Variants in KITLG observed in about 807,000 individuals in gnomAD.
KITLG encodes c-Kit ligand.
Under a neutral mutation model 34.1 loss-of-function variants are expected in KITLG, and 13 were observed. The observed-to-expected ratio is 0.38, with a 90% CI of 0.25 to 0.61. The LOEUF (loss-of-function observed/expected upper bound fraction) is 0.61, where lower values mean the gene tolerates loss of function less well. KITLG is among the 20% of genes least tolerant of loss of function. The pLI is 0.60. For synonymous variants in KITLG, 110 were observed against 104.0 expected, an observed-to-expected ratio of 1.06 and a Z score of -0.35; for missense variants, 292 against 318.9, an observed-to-expected ratio of 0.92 and a Z score of 0.64.
chr12:88,520,088 T>G (rs1217989196), intron 3 of KITLG, among the ~76,000 whole-genome samples: 1 of 152,206 alleles, frequency 6.6e-6, no homozygotes, highest in Non-Finnish European at 1.5e-5. Context: ...TTTAGGATTG[T>G]TGGCTCTGGC....
At chr12:88,510,402 T>A (rs1357538376) in intron 6 of KITLG, among the ~76,000 whole-genome samples, 1 of 152,170 alleles carries the variant, frequency 6.6e-6, no homozygotes, top group African/African-American at 2.4e-5. Flanking sequence ...TCCAAGCACA[T>A]GTGTACTAAC....
At chr12:88,521,743 A>G (rs1262349793) in intron 3 of KITLG, among the ~76,000 whole-genome samples, 1 of 152,154 alleles carries the variant, frequency 6.6e-6, no homozygotes. Flanking sequence ...CAAAAGAAGA[A>G]ACATATAGAT....
At chr12:88,566,708 C>A (rs1330479818) in intron 1 of KITLG, among the ~76,000 whole-genome samples, 1 of 152,078 alleles carries the variant, frequency 6.6e-6, no homozygotes, top group Non-Finnish European at 1.5e-5. Flanking sequence ...CCACAGAGGA[C>A]CTTGTATAGT....
intron 2 of KITLG, among the ~76,000 whole-genome samples, chr12:88,540,079 TACCTTATGATGATGACAC>T (rs1344379514): frequency 6.6e-6 from 1 of 152,094 alleles, no homozygotes; most frequent in Non-Finnish European, 1.5e-5. Context: ...GATGATGACA[TACCTTATGATGATGACAC>T]ACCTTATGAT....
At chr12:88,508,300 C>T (rs1295203226) in intron 6 of KITLG, among the ~76,000 whole-genome samples, 3 of 152,146 alleles carry the variant, frequency 2.0e-5, no homozygotes, top group Admixed American at 1.3e-4. Flanking sequence ...TATACCTATA[C>T]CTATTTAACA....
At chr12:88,551,713 G>A (rs1488711097) in intron 1 of KITLG, among the ~76,000 whole-genome samples, 2 of 152,158 alleles carry the variant, frequency 1.3e-5, no homozygotes, top group Non-Finnish European at 2.9e-5. Flanking sequence ...AACACAACAT[G>A]TGTCCCATAT....
intron 1 of KITLG, among the ~76,000 whole-genome samples, chr12:88,555,347 G>A (rs7313352): frequency 0.66 from 100,638 of 152,020 alleles, 36,906 homozygotes; most frequent in Middle Eastern, 0.86. Flanking sequence ...CAACCAGGTA[G>A]ATATTATTAC....
intron 6 of KITLG, among the ~76,000 whole-genome samples, chr12:88,507,372 T>A (rs1471347654): frequency 1.5e-4 from 23 of 152,182 alleles, no homozygotes; most frequent in Admixed American, 1.5e-3. Flanking sequence ...CAGAAAGAGA[T>A]CTGGCTTGGG....
chr12:88,525,355 A>G (rs1479596606), intron 3 of KITLG, among the ~76,000 whole-genome samples: 1 of 152,190 alleles, frequency 6.6e-6, no homozygotes, highest in Admixed American at 6.5e-5. Context: ...ATCTAAACTA[A>G]TAAGATGGGC....
At chr12:88,531,258 G>T (rs1404583653) in intron 3 of KITLG, among the ~76,000 whole-genome samples, 1 of 152,150 alleles carries the variant, frequency 6.6e-6, no homozygotes, top group Non-Finnish European at 1.5e-5. Context: ...AGTGAATGCT[G>T]TCCACATTAC....
At chr12:88,509,178 T>C (rs1294917104) in intron 6 of KITLG, among the ~76,000 whole-genome samples, 3 of 152,168 alleles carry the variant, frequency 2.0e-5, no homozygotes, top group African/African-American at 4.8e-5. Flanking sequence ...TGGAAAACTC[T>C]AACAAGCTAG....
intron 1 of KITLG, 138 bp from the exon 2 acceptor site, chr12:88,546,003 G>A (rs111850315): frequency 3.9e-5 from 29 of 738,360 alleles, no homozygotes; most frequent in Middle Eastern, 2.3e-4. Flanking sequence ...TAAATATTAC[G>A]CATTCAAGCT....
In KITLG at chr12:88,506,325, C is replaced by G; in HGVS notation, c.768G>C (p.Glu256Asp). 6.2e-7 allele frequency: 1 copy of G among 1,608,880 alleles called. No homozygotes were observed. The highest frequency in any genetic ancestry group is 1.1e-5 in the South Asian group (1 of 90,960). The change falls in exon 8 of 10, where the codon GAG becomes GAC. Residue 256 changes from glutamate to aspartate, a missense_variant. Glu to Asp is a conservative substitution (Grantham distance 45). This residue lies in a region of KITLG where 140 missense variants were observed against 111.0 expected (regional missense o/e 1.26). Coordinates refer to ENST00000644744, the MANE Select transcript of KITLG (RefSeq NM_000899.5). ...AAACAAAATACCTTATCTCATTATC[C>G]TCTTCATTAATTTGTATATTTTCAA... ...RAVENIQINE[E>D]DNEISMLQEK...
At chr12:88,571,063 T>A (rs972342122) in intron 1 of KITLG, among the ~76,000 whole-genome samples, 1 of 152,168 alleles carries the variant, frequency 6.6e-6, no homozygotes, top group African/African-American at 2.4e-5. Flanking sequence ...AGATAACGTA[T>A]AAATAAGAGA....
rs1168728386 is a variant in KITLG at position 88,495,527 on chromosome 12, A to T, written c.*1692T>A. 1.3e-5 allele frequency: 2 copies of T among 152,544 alleles called. No homozygotes were observed. The highest frequency in any genetic ancestry group is 4.8e-5 in the African/African-American group (2 of 41,438). 9.4% of individuals were successfully genotyped at this position (152,544 alleles called of 1,614,324 possible). A position where few individuals can be genotyped will look rare whatever the true frequency, so the allele number is the denominator to read the frequency against. On this transcript the variant is annotated 3_prime_UTR_variant, in exon 10 of 10. Transcript: ENST00000644744. ...TTACTCATATTTAAGGAACCACAGC[A>T]TGTTAGAGAAGAAAGGGACTGTAGG...
Position 88,580,345 on chromosome 12 carries a change from C to G in KITLG, c.-67G>C. 6.3e-7 allele frequency: 1 copy of G among 1,588,950 alleles called. No individual in the cohort carries two copies. On this transcript the variant is annotated 5_prime_UTR_variant, in exon 1 of 10. Transcript: ENST00000644744. ...GCGACTCCGTTTAGCTGTTCTGGAG[C>G]TCCAGCATATTGCACGAACAGCGGC...
intron 2 of KITLG, among the ~76,000 whole-genome samples, chr12:88,543,784 T>G (rs1257503530): frequency 1.3e-5 from 2 of 152,204 alleles, no homozygotes; most frequent in Non-Finnish European, 2.9e-5. Context: ...AAAGTAGTTT[T>G]GCACCATTAC....
chr12:88,504,914 GA>G (rs1016976324), intron 9 of KITLG, among the ~76,000 whole-genome samples: 3 of 147,956 alleles, frequency 2.0e-5, no homozygotes. Flanking sequence ...GGTGGGAATT[GA>G]ACAATGAGAA....
chr12:88,563,520 G>A (rs545993228), intron 1 of KITLG, among the ~76,000 whole-genome samples: 1 of 152,246 alleles, frequency 6.6e-6, no homozygotes, highest in East Asian at 1.9e-4. Flanking sequence ...CCCCAAAATA[G>A]GCTGCATCAT....
Sources: gnomAD v4.1 joint callset for allele counts (sites outside exome capture counted in the v4.1 genomes callset) on GRCh38, gnomAD v4.1.1 for gene constraint, gnomAD v4.1.1 regional missense constraint, MANE v1.5 for transcripts, NCBI Gene and HGNC (gene_info 2026-07-23, HGNC 2026-07-21) for gene names.